Variants in GAB2 observed in about 807,000 individuals in gnomAD.
GAB2 encodes the protein GRB2-associated-binding protein 2.
GAB2 carries 26 observed loss-of-function variants against 65.5 expected under a neutral mutation model. That is an observed-to-expected ratio of 0.40 (90% CI 0.29 to 0.55). The LOEUF (loss-of-function observed/expected upper bound fraction) is 0.55, where lower values mean the gene tolerates loss of function less well. Among genes scored for constraint, GAB2 ranks in the 20% least tolerant of loss-of-function variants. GAB2 has a pLI of 0.53. For synonymous variants in GAB2, 321 were observed against 329.6 expected, an observed-to-expected ratio of 0.97 and a Z score of 0.28; for missense variants, 884 against 875.8, an observed-to-expected ratio of 1.01 and a Z score of -0.12.
intron 3 of GAB2, among the ~76,000 whole-genome samples, chr11:78,243,282 A>G (rs913535219): frequency 5.3e-5 from 8 of 152,130 alleles, no homozygotes; most frequent in African/African-American, 1.9e-4. Context: ...AACCTGGCCA[A>G]CATGGCAAAA....
At chr11:78,378,969 G>A (rs1012167465) in intron 1 of GAB2, among the ~76,000 whole-genome samples, 1 of 152,174 alleles carries the variant, frequency 6.6e-6, no homozygotes, top group Non-Finnish European at 1.5e-5. Flanking sequence ...TAGGATAGAT[G>A]GAGCCAGCTT....
chr11:78,310,749 G>A (rs1855483179), intron 1 of GAB2, among the ~76,000 whole-genome samples: 1 of 152,124 alleles, frequency 6.6e-6, no homozygotes, highest in African/African-American at 2.4e-5. Context: ...CTGTCCTTCA[G>A]TCTCTGATGT....
Position 78,223,654 on chromosome 11 carries a change from C to A in GAB2, c.1325G>T (p.Arg442Leu). The A allele has an allele frequency of 3.1e-6, 5 of 1,605,920 alleles. No individual in the cohort carries two copies. The highest frequency in any genetic ancestry group is 2.2e-5 in the South Asian group (2 of 89,836). ...SFLPGKMIVG[R>L]SDSTNSEDNY... ...GTCTTCAGAATTGGTGCTGTCCGAT[C>A]GGCCCACAATCATTTTCCCTGGCTA... The change falls in exon 6 of 10, where the codon CGA (arginine) becomes CTA (leucine). Residue 442 changes from arginine to leucine, a missense_variant. Arg to Leu is a moderately radical substitution (Grantham distance 102). Coordinates refer to ENST00000361507, the MANE Select transcript of GAB2 (RefSeq NM_080491.3).
chr11:78,337,755 A>G (rs113048676), intron 1 of GAB2, among the ~76,000 whole-genome samples: 5,244 of 152,282 alleles, frequency 0.034, 282 homozygotes, highest in African/African-American at 0.12. Flanking sequence ...TTCTGTGTAG[A>G]TCCTGTAATT....
intron 3 of GAB2, among the ~76,000 whole-genome samples, chr11:78,239,038 C>G (rs1253705367): frequency 1.3e-5 from 2 of 151,430 alleles, no homozygotes; most frequent in Admixed American, 6.6e-5. Flanking sequence ...CACCACTAAT[C>G]ATTAGGGAAA....
In GAB2 at chr11:78,383,581, C is replaced by CAAAAAAAAAAA. The variant is rs534814220; in HGVS notation, c.75+34054_75+34064dup. 4.6e-3 allele frequency among the ~76,000 whole-genome samples: 253 copies of CAAAAAAAAAAA among 55,452 alleles called. 5 individuals are homozygous for CAAAAAAAAAAA. The highest frequency in any genetic ancestry group is 9.5e-3 in the African/African-American group (147 of 15,528). The allele number at this position is 55,452 out of a possible 152,430, so 36.4% of individuals were successfully genotyped here. On this transcript the variant is annotated intron_variant, in intron 1 of 9. Coordinates refer to ENST00000361507, the MANE Select transcript of GAB2 (RefSeq NM_080491.3). ...GCAACATGGCAAAACCCTGTCTCTCCAAAAAAAAAAAAAAAAAAATACAAA... is the reference window on the plus strand; with the variant it reads ...GCAACATGGCAAAACCCTGTCTCTCCAAAAAAAAAAAAAAAAAAAAAAAAAAAAAATACAAA...
chr11:78,325,195 TG>T (rs1855801240), intron 1 of GAB2, among the ~76,000 whole-genome samples: 2 of 152,214 alleles, frequency 1.3e-5, no homozygotes, highest in African/African-American at 4.8e-5. Flanking sequence ...TGGAAGGCTG[TG>T]TTGAGAAGGA....
chr11:78,320,850 C>A (rs182659189), intron 1 of GAB2, among the ~76,000 whole-genome samples: 2 of 151,204 alleles, frequency 1.3e-5, no homozygotes, highest in African/African-American at 4.9e-5. Context: ...GGGTTACAGG[C>A]ATGAGCCACT....
At chr11:78,313,742 T>C (rs1855545556) in intron 1 of GAB2, among the ~76,000 whole-genome samples, 1 of 152,216 alleles carries the variant, frequency 6.6e-6, no homozygotes, top group African/African-American at 2.4e-5. Flanking sequence ...AATTACCACA[T>C]ATAATAAACT....
At chr11:78,305,612 C>G (rs1482975990) in intron 1 of GAB2, among the ~76,000 whole-genome samples, 4 of 152,176 alleles carry the variant, frequency 2.6e-5, no homozygotes, top group African/African-American at 9.7e-5. Context: ...AGCACCAGGA[C>G]CTTTTCATCT....
chr11:78,405,090 G>GAT (rs1565187274), intron 1 of GAB2, among the ~76,000 whole-genome samples: 5 of 140,666 alleles, frequency 3.6e-5, no homozygotes, highest in African/African-American at 1.3e-4. Context: ...AAAAAACATG[G>GAT]ATTTTTTTTT....
chr11:78,338,143 A>G (rs1211970472), intron 1 of GAB2, among the ~76,000 whole-genome samples: 2 of 152,220 alleles, frequency 1.3e-5, no homozygotes. Flanking sequence ...CCATCATAAG[A>G]GCATTGAATG....
intron 1 of GAB2, among the ~76,000 whole-genome samples, chr11:78,370,712 C>CCTGT (rs58668713): frequency 8.1e-6 from 1 of 123,220 alleles, no homozygotes; most frequent in African/African-American, 2.9e-5. Flanking sequence ...TGTGTGTGTG[C>CCTGT]GTGTGTGTGT....
intron 1 of GAB2, among the ~76,000 whole-genome samples, chr11:78,308,588 A>T (rs1250173253): frequency 6.6e-6 from 1 of 152,240 alleles, no homozygotes; most frequent in Non-Finnish European, 1.5e-5. Flanking sequence ...AACATGAGTA[A>T]ATTTTACAAA....
At chr11:78,271,876 G>A (rs570127671) in intron 2 of GAB2, among the ~76,000 whole-genome samples, 131 of 152,294 alleles carry the variant, frequency 8.6e-4, no homozygotes, top group African/African-American at 3.1e-3. Context: ...GGATCCAGTG[G>A]GAGGTAATTG....
intron 1 of GAB2, among the ~76,000 whole-genome samples, chr11:78,307,376 G>C (rs1016146078): frequency 6.6e-6 from 1 of 152,082 alleles, no homozygotes; most frequent in African/African-American, 2.4e-5. Context: ...ATAAAAGCAA[G>C]GTTGCTTTAA....
intron 2 of GAB2, among the ~76,000 whole-genome samples, chr11:78,275,270 C>G (rs1225383433): frequency 1.3e-5 from 2 of 151,866 alleles, no homozygotes; most frequent in African/African-American, 4.8e-5. Context: ...GATTTTTAGC[C>G]CCGGGGAGTT....
rs759477624 is a variant in GAB2 at position 78,219,459 on chromosome 11, A to G, written c.1888-44T>C. ...AAAGAGGGAGTAGCTGTGAGTTACC[A>G]GTTAGGTGGGGAGGAAGAAGGTGGG... On this transcript the variant is annotated intron_variant, in intron 9 of 9. Transcript: ENST00000361507. 3.1e-6 allele frequency: 5 copies of G among 1,593,216 alleles called. No homozygotes were observed. In the East Asian group the frequency reaches 1.1e-4, roughly 36 times the overall value.
intron 1 of GAB2, among the ~76,000 whole-genome samples, chr11:78,362,949 T>A (rs1463924751): frequency 6.6e-6 from 1 of 152,178 alleles, no homozygotes; most frequent in Non-Finnish European, 1.5e-5. Context: ...TACCTAGTAA[T>A]ATGGCCTCGA....
Sources: gnomAD v4.1 joint callset for allele counts (sites outside exome capture counted in the v4.1 genomes callset) on GRCh38, gnomAD v4.1.1 for gene constraint, MANE v1.5 for transcripts, NCBI Gene and HGNC (gene_info 2026-07-23, HGNC 2026-07-21) for gene names.